CWH43: variants seen among roughly 807,000 people sequenced by gnomAD.
CWH43 encodes the protein cell wall biogenesis 43 C-terminal homolog, also known as PGAP2-interacting protein.
CWH43 carries 91 observed loss-of-function variants against 85.7 expected under a neutral mutation model. That is an observed-to-expected ratio of 1.06 (90% CI 0.90 to 1.26). The LOEUF (loss-of-function observed/expected upper bound fraction) is 1.26. Ranked by LOEUF, CWH43 falls within the 50% of genes most tolerant of loss-of-function variation. CWH43 has a pLI of 0.00. For synonymous variants in CWH43, 323 were observed against 293.6 expected, an observed-to-expected ratio of 1.10 and a Z score of -1.02; for missense variants, 869 against 839.2, an observed-to-expected ratio of 1.04 and a Z score of -0.44.
chr4:49,016,779 C>T, intron 8 of CWH43: 1 of 776,258 alleles, frequency 1.3e-6, no homozygotes, highest in East Asian at 2.4e-5. Context: ...CTTCCCAATG[C>T]AGGTGATTAC....
intron 13 of CWH43, among the ~76,000 whole-genome samples, chr4:49,040,369 A>T (rs1011527981): frequency 6.6e-6 from 1 of 152,206 alleles, no homozygotes; most frequent in Non-Finnish European, 1.5e-5. Flanking sequence ...CCAACAGTGT[A>T]AAAGTGTTCC....
intron 7 of CWH43, among the ~76,000 whole-genome samples, chr4:49,006,521 T>G (rs1355548091): frequency 6.6e-6 from 1 of 152,244 alleles, no homozygotes; most frequent in Non-Finnish European, 1.5e-5. Flanking sequence ...CTGTTTTTGC[T>G]TGGCTTCTGA....
At chr4:49,013,287 A>G (rs568856406) in intron 8 of CWH43, among the ~76,000 whole-genome samples, 1 of 152,364 alleles carries the variant, frequency 6.6e-6, no homozygotes, top group Non-Finnish European at 1.5e-5. Flanking sequence ...TGTGTGAGGT[A>G]CCCACCCAGC....
In CWH43 at chr4:48,998,472, G is replaced by A. The variant is rs780987356; in HGVS notation, c.726G>A (p.Leu242=). 1.2e-5 allele frequency: 19 copies of A among 1,613,358 alleles called. No homozygotes were observed. In the East Asian group the frequency reaches 3.6e-4, roughly 30 times the overall value. Residue 242 remains leucine (L), a synonymous_variant, in exon 6 of 16, where the codon CTG becomes CTA. Transcript: ENST00000226432. ...TCCTTTTTCACAGAGGTGCAGTACT[G>A]CTGTGCTTGGCAAGTGGATTGATGC... ...PDPNPFGGAV[L]LCLASGLMLP...
At chr4:49,013,816 A>C (rs764071713) in intron 8 of CWH43, among the ~76,000 whole-genome samples, 7 of 152,202 alleles carry the variant, frequency 4.6e-5, no homozygotes, top group Admixed American at 6.5e-5. Flanking sequence ...TGGGGAGATT[A>C]TGTTAATGTT....
At chr4:49,000,742 T>C (rs1162656036) in intron 6 of CWH43, among the ~76,000 whole-genome samples, 2 of 152,178 alleles carry the variant, frequency 1.3e-5, no homozygotes, top group African/African-American at 4.8e-5. Flanking sequence ...CCTACCGTCT[T>C]ATGCTTATTT....
Position 49,030,806 on chromosome 4 carries a change from C to A in CWH43, c.1373-19C>A. The A allele has an allele frequency of 7.1e-7, 1 of 1,403,336 alleles. No homozygotes were observed. The highest frequency in any genetic ancestry group is 9.6e-7 in the Non-Finnish European group (1 of 1,042,196). The allele number at this position is 1,403,336 out of a possible 1,614,324, so 86.9% of individuals were successfully genotyped here. On this transcript the variant is annotated intron_variant, in intron 10 of 15. Transcript: ENST00000226432. ...TGCTGTGATTCATCACTGTATGCTA[C>A]TTTTTTTTTTCTGAACAGGTGCAGA...
intron 8 of CWH43, chr4:49,016,888 A>G: frequency 1.3e-6 from 1 of 785,110 alleles, no homozygotes; most frequent in Non-Finnish European, 2.4e-6. Context: ...AGGACTACCC[A>G]CGTAGCTCTG....
At chr4:49,039,257 A>G (rs1784361489) in intron 13 of CWH43, among the ~76,000 whole-genome samples, 1 of 124,788 alleles carries the variant, frequency 8.0e-6, no homozygotes, top group South Asian at 2.6e-4. Flanking sequence ...GTACCAGAAT[A>G]TAATCATGTT....
intron 13 of CWH43, among the ~76,000 whole-genome samples, chr4:49,043,547 G>A (rs1224317465): frequency 2.0e-5 from 3 of 152,192 alleles, no homozygotes; most frequent in African/African-American, 4.8e-5. Context: ...CTAGGAGGAA[G>A]TTTATTAATG....
rs532922797 is a variant in CWH43, at chr4:49,017,314, A to C, written c.1252A>C (p.Lys418Gln). 6.2e-7 allele frequency: 1 copy of C among 1,609,254 alleles called. No homozygotes were observed. The highest frequency in any genetic ancestry group is 1.1e-5 in the South Asian group (1 of 90,438). The change falls in exon 9 of 16, where the codon AAA (lysine) becomes CAA (glutamine). Residue 418 changes from lysine (K) to glutamine (Q), a missense_variant. By Grantham distance (53) the Lys-to-Gln change is moderately conservative. Transcript: ENST00000226432. ...ACTACGGCATAAAGCCTATGAGAGA[A>C]AACTGGGCAAAGTGGTAAGTAATTA... The part of the protein sequence containing the change: ...LGLRHKAYER[K>Q]LGKVAPTKEV...
At chr4:48,996,272 A>G (rs1314443327) in intron 5 of CWH43, among the ~76,000 whole-genome samples, 1 of 150,638 alleles carries the variant, frequency 6.6e-6, no homozygotes, top group Non-Finnish European at 1.5e-5. Flanking sequence ...GAGTCAATCA[A>G]TTTTTATATA....
intron 8 of CWH43, among the ~76,000 whole-genome samples, chr4:49,016,022 T>C (rs1450657085): frequency 6.6e-6 from 1 of 152,188 alleles, no homozygotes; most frequent in Non-Finnish European, 1.5e-5. Flanking sequence ...GGTGTTTTTT[T>C]CTTTGTTTCC....
chr4:49,053,794 TG>T lies in CWH43; in HGVS notation c.2021+2949del, dbSNP rs199559727. Among the ~76,000 whole-genome samples, 1,249 of 152,272 alleles carry T rather than the reference TG, an allele frequency of 8.2e-3. 12 individuals are homozygous for T. The highest frequency in any genetic ancestry group is 0.025 in the African/African-American group (1,024 of 41,582). On this transcript the variant is annotated intron_variant, in intron 15 of 15. Coordinates refer to ENST00000226432, the MANE Select transcript of CWH43 (RefSeq NM_025087.3). ...TGACACAGTGCTCTAAGGAAATGCTTGGGGCATTTCAGATTTTGTACTTTTG... is the reference window on the plus strand; with the variant it reads ...TGACACAGTGCTCTAAGGAAATGCTTGGGCATTTCAGATTTTGTACTTTTG...
At position 49,017,274 on chromosome 4, in the gene CWH43, A is replaced by G. The variant is rs760026934; in HGVS notation, c.1212A>G (p.Gly404=). Residue 404 remains glycine, a synonymous_variant, in exon 9 of 16, where the codon GGA becomes GGG. Coordinates refer to ENST00000226432, the MANE Select transcript of CWH43 (RefSeq NM_025087.3). The part of the protein sequence containing the change: ...KLFLWLLVGV[G]LLGLGLRHKA... ...TTCTGTGGCTGCTTGTTGGTGTGGG[A>G]TTGTTGGGATTAGGACTACGGCATA... 2 of 1,611,682 alleles carry G rather than the reference A, an allele frequency of 1.2e-6. No homozygotes were observed. The highest frequency in any genetic ancestry group is 1.7e-6 in the Non-Finnish European group (2 of 1,178,754).
chr4:49,049,883 C>G (rs2109838486), intron 14 of CWH43, among the ~76,000 whole-genome samples: 1 of 152,340 alleles, frequency 6.6e-6, no homozygotes, highest in African/African-American at 2.4e-5. Context: ...GCTTACTTAT[C>G]TATCACTACC....
At chr4:49,017,951 C>T (rs944808967) in intron 9 of CWH43, among the ~76,000 whole-genome samples, 1 of 152,032 alleles carries the variant, frequency 6.6e-6, no homozygotes. Flanking sequence ...TCCCCTGCCT[C>T]AGCCTCCTGA....
At chr4:49,008,812 C>T (rs1783252473) in intron 8 of CWH43, among the ~76,000 whole-genome samples, 1 of 152,116 alleles carries the variant, frequency 6.6e-6, no homozygotes, top group Non-Finnish European at 1.5e-5. Flanking sequence ...TCTGAGGCCT[C>T]TGTTCTGTTC....
chr4:49,034,512 AACC>A (rs1294284148), intron 12 of CWH43, among the ~76,000 whole-genome samples: 2 of 152,310 alleles, frequency 1.3e-5, no homozygotes, highest in East Asian at 3.9e-4. Context: ...ACTTTCTGTT[AACC>A]ACCTACTTAA....
Sources: allele counts gnomAD v4.1 joint callset (sites outside exome capture counted in the v4.1 genomes callset), GRCh38; gene constraint gnomAD v4.1.1; transcripts MANE v1.5; gene names NCBI Gene and HGNC (gene_info 2026-07-23, HGNC 2026-07-21).